TRPM3: variants seen among roughly 807,000 people sequenced by gnomAD.
TRPM3 encodes the protein transient receptor potential cation channel subfamily M member 3, also known as long transient receptor potential channel 3.
A neutral mutation model predicts 181.2 loss-of-function variants in TRPM3; 77 were observed. The ratio of observed to expected loss-of-function variants is 0.42; its 90% CI spans 0.35 to 0.51. TRPM3 has a LOEUF of 0.51. Ranked by LOEUF, TRPM3 falls within the 20% of genes least tolerant of loss-of-function variation. TRPM3 has a pLI of 0.01. For synonymous variants in TRPM3, 745 were observed against 796.4 expected (o/e 0.94, Z 1.09); for missense variants, 1,759 against 2,196.7 (o/e 0.80, Z 3.98).
chr9:70,899,650 A>T (rs569880138), intron 1 of TRPM3, among the ~76,000 whole-genome samples: 1 of 152,246 alleles, frequency 6.6e-6, no homozygotes, highest in South Asian at 2.1e-4. Flanking sequence ...CTCAGGGAGA[A>T]CTGACCATTC....
At chr9:71,285,536 A>C (rs2085211856) in intron 1 of TRPM3, among the ~76,000 whole-genome samples, 1 of 152,138 alleles carries the variant, frequency 6.6e-6, no homozygotes, top group African/African-American at 2.4e-5. Flanking sequence ...CGATCCGTTC[A>C]CTTGGCAAAC....
chr9:70,967,884 A>G (rs1347235326), intron 1 of TRPM3, among the ~76,000 whole-genome samples: 1 of 152,086 alleles, frequency 6.6e-6, no homozygotes. Flanking sequence ...GCTAATTCAT[A>G]CTATCTCATG....
intron 6 of TRPM3, chr9:70,825,341 C>T (rs1043736184): frequency 6.6e-6 from 1 of 152,304 alleles, no homozygotes; most frequent in African/African-American, 2.4e-5. Context: ...TAACTCTCCT[C>T]TTACCATTTA....
chr9:70,619,049 G>C lies in TRPM3; in HGVS notation c.2176C>G (p.Gln726Glu), dbSNP rs2063209589. The stretch of plus-strand genomic sequence containing the variant: ...AGTTTCATGGCCAGCTGTTCGTCCT[G>C]CTTGTAGGACTGGTCCAGGAGCTCC... ...AVELLDQSYK[Q>E]DEQLAMKLLT... is the part of the protein sequence containing the mutation. Residue 726 changes from glutamine (Q) to glutamate (E), a missense_variant, in exon 17 of 26, where the codon CAG becomes GAG. Around this residue, in one of 8 missense-constraint regions of TRPM3, gnomAD observed 737 missense variants for 957.4 expected, o/e 0.77. Transcript: ENST00000677713. 8 of 1,614,190 alleles carry C rather than the reference G, an allele frequency of 5.0e-6. No homozygotes were observed. The highest frequency in any genetic ancestry group is 6.8e-6 in the Non-Finnish European group (8 of 1,180,032).
rs529289377 is a variant in TRPM3, at chr9:71,251,859, C to T, written c.183+194794G>A. On this transcript the variant is annotated intron_variant, in intron 1 of 24. Coordinates refer to the TRPM3 transcript ENST00000357533. ...TCTTCTCCTGCCCCCACCCTCCCAC[C>T]ATCCTCTCCACCTTCTGGTAACCAT... Among the ~76,000 whole-genome samples, 3 of 152,256 alleles carry T rather than the reference C, an allele frequency of 2.0e-5. No homozygotes were observed. The South Asian group carries it at 6.2e-4, about 32-fold the overall frequency.
chr9:70,629,529 G>T lies in TRPM3; in HGVS notation c.1633-4012C>A, dbSNP rs186353791. ...TTTTTGTATTTTTAGGAGAGATGGGGTTTCACCATGTTGGTCAGGCTGGTC... is the reference window on the plus strand; with the variant it reads ...TTTTTGTATTTTTAGGAGAGATGGGTTTTCACCATGTTGGTCAGGCTGGTC... On this transcript the variant is annotated intron_variant, in intron 12 of 25. Transcript: ENST00000677713. Among the ~76,000 whole-genome samples the T allele has an allele frequency of 2.0e-5, 3 of 152,136 alleles. No individual in the cohort carries two copies. In the East Asian group the frequency reaches 5.8e-4, roughly 30 times the overall value.
At chr9:70,683,509 C>T (rs1013425767) in intron 8 of TRPM3, among the ~76,000 whole-genome samples, 2 of 132,392 alleles carry the variant, frequency 1.5e-5, no homozygotes, top group Non-Finnish European at 3.1e-5. Context: ...AACTCCTGGT[C>T]TTGGCCTCCC....
At chr9:71,238,385 C>T (rs1309527882) in intron 1 of TRPM3, among the ~76,000 whole-genome samples, 5 of 152,056 alleles carry the variant, frequency 3.3e-5, no homozygotes, top group Admixed American at 1.3e-4. Context: ...ATCAATTCAC[C>T]CACAGGGAAA....
At chr9:71,382,929 C>T (rs949071964) in intron 1 of TRPM3, among the ~76,000 whole-genome samples, 8 of 152,016 alleles carry the variant, frequency 5.3e-5, no homozygotes, top group Non-Finnish European at 8.8e-5. Flanking sequence ...TTTTCAGGAC[C>T]GAGATACTTA....
At chr9:70,541,742 C>A (rs928219426) in intron 25 of TRPM3, among the ~76,000 whole-genome samples, 4 of 152,150 alleles carry the variant, frequency 2.6e-5, no homozygotes, top group African/African-American at 9.7e-5. Context: ...AACTCCCGAC[C>A]TCAGGTGATC....
At chr9:71,097,910 C>T (rs541600284) in intron 1 of TRPM3, among the ~76,000 whole-genome samples, 1 of 152,052 alleles carries the variant, frequency 6.6e-6, no homozygotes, top group African/African-American at 2.4e-5. Context: ...GTGGAAAGGA[C>T]AGGATCTATG....
chr9:71,182,764 G>C lies in TRPM3; in HGVS notation c.183+263889C>G, dbSNP rs915370757. On this transcript the variant is annotated intron_variant, in intron 1 of 24. Coordinates refer to the TRPM3 transcript ENST00000357533. The stretch of plus-strand genomic sequence containing the variant: ...GCAACCTCCAACGCCGTGGTTCAAG[G>C]GATTCTCCTGCCTCAGCCTCCTGAG... 9.9e-5 allele frequency among the ~76,000 whole-genome samples: 15 copies of C among 152,074 alleles called. 1 individual carries two copies. The highest frequency in any genetic ancestry group is 3.6e-4 in the African/African-American group (15 of 41,516).
At position 70,529,479 on chromosome 9, in the gene TRPM3, GT is replaced by G. The variant is rs907120734; in HGVS notation, c.*6473del. 6.6e-5 allele frequency: 10 copies of G among 152,292 alleles called. No individual in the cohort carries two copies. The highest frequency in any genetic ancestry group is 2.4e-4 in the African/African-American group (10 of 41,566). The allele number at this position is 152,292 out of a possible 1,614,324, so 9.4% of individuals were successfully genotyped here. On this transcript the variant is annotated 3_prime_UTR_variant, in exon 26 of 26. Transcript: ENST00000677713. ...ATGAGTACAGTATACTGCACGTACT[GT>G]TTTTACACAGCGGTAGCAGCAATAT...
At chr9:71,099,697 C>G (rs534134579) in intron 1 of TRPM3, among the ~76,000 whole-genome samples, 1 of 152,286 alleles carries the variant, frequency 6.6e-6, no homozygotes, top group South Asian at 2.1e-4. Flanking sequence ...TTATGCTCAA[C>G]CTGAGATCCA....
At chr9:71,030,707 G>T (rs1243855800) in intron 1 of TRPM3, among the ~76,000 whole-genome samples, 1 of 152,118 alleles carries the variant, frequency 6.6e-6, no homozygotes, top group African/African-American at 2.4e-5. Flanking sequence ...CAGCAATTAT[G>T]CTAGCTTTGT....
intron 6 of TRPM3, 98 bp downstream of exon 6, chr9:70,827,749 G>C: frequency 1.4e-6 from 2 of 1,416,034 alleles, no homozygotes; most frequent in Non-Finnish European, 9.6e-7. Flanking sequence ...TTTAAAACTT[G>C]CTCAAGTTTT....
chr9:71,420,989 GAGAGAGAAAA>G (rs755344337), intron 1 of TRPM3, among the ~76,000 whole-genome samples: 1,165 of 101,874 alleles, frequency 0.011, 57 homozygotes, highest in Middle Eastern at 0.026. Context: ...GAGAGAAAAA[GAGAGAGAAAA>G]AGAGAGAAAA....
chr9:71,411,146 A>G (rs1351216677), intron 1 of TRPM3, among the ~76,000 whole-genome samples: 1 of 152,228 alleles, frequency 6.6e-6, no homozygotes, highest in Non-Finnish European at 1.5e-5. Flanking sequence ...AGCCAATATC[A>G]TACTGAATGG....
At chr9:71,335,025 C>T (rs936482633) in intron 1 of TRPM3, among the ~76,000 whole-genome samples, 1 of 152,038 alleles carries the variant, frequency 6.6e-6, no homozygotes, top group Non-Finnish European at 1.5e-5. Flanking sequence ...AATGTCATCA[C>T]CACTTAGCTT....
Sources: allele counts gnomAD v4.1 joint callset (sites outside exome capture counted in the v4.1 genomes callset), GRCh38; gene constraint gnomAD v4.1.1; regional missense constraint gnomAD v4.1.1; transcripts MANE v1.5; gene names NCBI Gene and HGNC (gene_info 2026-07-23, HGNC 2026-07-21).